The following NDUFS3 variants were observed in gnomAD, a reference collection of about 807,000 sequenced individuals.
NDUFS3 encodes NADH:ubiquinone oxidoreductase core subunit S3, also known as NADH dehydrogenase [ubiquinone] iron-sulfur protein 3, mitochondrial.
Under a neutral mutation model 30.8 loss-of-function variants are expected in NDUFS3, and 19 were observed. The ratio of observed to expected loss-of-function variants is 0.62; its 90% CI spans 0.43 to 0.91. The LOEUF (loss-of-function observed/expected upper bound fraction) is 0.91. NDUFS3 is among the 40% of genes least tolerant of loss of function. The pLI, the probability that NDUFS3 is intolerant of heterozygous loss-of-function variation, is 0.00. For synonymous variants in NDUFS3, 153 were observed against 135.8 expected (o/e 1.13, Z -0.88); for missense variants, 331 against 342.0 (o/e 0.97, Z 0.25).
Position 47,582,113 on chromosome 11 carries a change from G to C in NDUFS3, c.407G>C (p.Arg136Pro), listed in dbSNP as rs1206085116. The C allele has an allele frequency of 6.2e-7, 1 of 1,613,754 alleles. No individual in the cohort carries two copies. The highest frequency in any genetic ancestry group is 1.3e-5 in the African/African-American group (1 of 74,806). ...FEIVYNLLSL[R>P]FNSRIRVKTY... ...ATTGTCTACAACCTGTTGTCTCTGC[G>C]CTTCAACTCACGGATCCGTGTGAAG... The change falls in exon 5 of 7, where the codon CGC becomes CCC. Residue 136 changes from arginine to proline, a missense_variant. Arg to Pro is a moderately radical substitution (Grantham distance 103). Coordinates refer to ENST00000263774, the MANE Select transcript of NDUFS3 (RefSeq NM_004551.3).
intron 4 of NDUFS3, chr11:47,581,744 G>A (rs1010547261): frequency 2.7e-6 from 1 of 372,328 alleles, no homozygotes; most frequent in South Asian, 2.2e-5. Context: ...TAATACAAAG[G>A]ATATTAGAGG....
chr11:47,581,998 A>G, intron 4 of NDUFS3, 90 bp from the exon 5 acceptor site: 1 of 1,535,938 alleles, frequency 6.5e-7, no homozygotes, highest in African/African-American at 1.4e-5. Flanking sequence ...TGAGGTTTTG[A>G]GGTTCAGAAT....
chr11:47,580,517 C>T lies in NDUFS3; in HGVS notation c.134-8C>T. 6.2e-7 allele frequency: 1 copy of T among 1,614,036 alleles called. No individual in the cohort carries two copies. Among genetic ancestry groups the T allele is most frequent in the Non-Finnish European group, 8.5e-7 (1 of 1,179,956 alleles). ...CATTTCTTTTTTAAATATGCCTTTTCCTTCCAGCCACTGTCAGACCACGGA... is the reference window on the plus strand; with the variant it reads ...CATTTCTTTTTTAAATATGCCTTTTTCTTCCAGCCACTGTCAGACCACGGA... On this transcript the variant is annotated splice_polypyrimidine_tract_variant and splice_region_variant and intron_variant, in intron 2 of 6. Coordinates refer to ENST00000263774, the MANE Select transcript of NDUFS3 (RefSeq NM_004551.3).
At chr11:47,583,960 C>T (rs149671752) in intron 6 of NDUFS3, among the ~76,000 whole-genome samples, 15 of 152,204 alleles carry the variant, frequency 9.9e-5, no homozygotes, top group Admixed American at 2.6e-4. Context: ...TTTCAGCCAC[C>T]GACTACTCCC....
Position 47,582,088 on chromosome 11 carries a change from A to G in NDUFS3, c.382A>G (p.Ile128Val). ...DVPTRQNRFE[I>V]VYNLLSLRFN... Reference sequence around the variant, plus strand: ...CTCCAGATCCTTCTGTTCTCCCTAGATTGTCTACAACCTGTTGTCTCTGCG... The same window carrying G: ...CTCCAGATCCTTCTGTTCTCCCTAGGTTGTCTACAACCTGTTGTCTCTGCG... Residue 128 changes from isoleucine to valine, a missense_variant and splice_region_variant, in exon 5 of 7, where the codon ATT becomes GTT. Transcript: ENST00000263774. 6.2e-7 allele frequency: 1 copy of G among 1,613,744 alleles called. No individual in the cohort carries two copies.
At chr11:47,580,051 T>TCACACA (rs1286725555) in intron 2 of NDUFS3, among the ~76,000 whole-genome samples, 1 of 14,224 alleles carries the variant, frequency 7.0e-5, no homozygotes, top group Non-Finnish European at 1.5e-4. Flanking sequence ...GTTTTCTCAT[T>TCACACA]GACACACACA....
chr11:47,582,208 A>G lies in NDUFS3; in HGVS notation c.502A>G (p.Arg168Gly). Residue 168 changes from arginine (R) to glycine (G), a missense_variant, in exon 5 of 7, where the codon AGG (arginine) becomes GGG (glycine). Transcript: ENST00000263774. ...SVFKAANWYE[R>G]EIWDMFGVFF... ...GTTCAAGGCAGCCAACTGGTATGAA[A>G]GGGAGGTGAGTTACCGGATATGGTG... 1 of 1,614,208 alleles carries G rather than the reference A, an allele frequency of 6.2e-7. No individual in the cohort carries two copies. Among genetic ancestry groups the G allele is most frequent in the Non-Finnish European group, 8.5e-7 (1 of 1,180,030 alleles).
At position 47,582,124 on chromosome 11, in the gene NDUFS3, C is replaced by T. The variant is rs142248674; in HGVS notation, c.418C>T (p.Arg140Trp). Residue 140 changes from arginine to tryptophan, a missense_variant, in exon 5 of 7, where the codon CGG (arginine) becomes TGG (tryptophan). Physicochemically the swap from Arg to Trp is moderately radical, Grantham distance 101. Transcript: ENST00000263774. ...YNLLSLRFNS[R>W]IRVKTYTDEL... The stretch of plus-strand genomic sequence containing the variant: ...CCTGTTGTCTCTGCGCTTCAACTCA[C>T]GGATCCGTGTGAAGACCTACACAGA... 1.4e-5 allele frequency: 22 copies of T among 1,613,834 alleles called. No individual in the cohort carries two copies. Among genetic ancestry groups the T allele is most frequent in the Admixed American group, 3.3e-5 (2 of 60,000 alleles).
In NDUFS3 at chr11:47,580,816, C is replaced by T; in HGVS notation, c.232-19C>T. The T allele has an allele frequency of 6.2e-7, 1 of 1,614,176 alleles. No homozygotes were observed. The highest frequency in any genetic ancestry group is 8.5e-7 in the Non-Finnish European group (1 of 1,180,038). Reference sequence around the variant, plus strand: ...TCAGTAGCTCTTTGTTCCCTCTCCCCTCACTTTCATGTGTGCAGGTGTCCT... The same window carrying T: ...TCAGTAGCTCTTTGTTCCCTCTCCCTTCACTTTCATGTGTGCAGGTGTCCT... On this transcript the variant is annotated intron_variant, in intron 3 of 6. Transcript: ENST00000263774.
At position 47,580,830 on chromosome 11, in the gene NDUFS3, T is replaced by C. The variant is rs2097268376; in HGVS notation, c.232-5T>C. The C allele has an allele frequency of 4.3e-6, 7 of 1,614,218 alleles. No individual in the cohort carries two copies. Among genetic ancestry groups the C allele is most frequent in the Non-Finnish European group, 5.9e-6 (7 of 1,180,034 alleles). ...TTCCCTCTCCCCTCACTTTCATGTG[T>C]GCAGGTGTCCTGCTTCAATGAGTTA... On this transcript the variant is annotated splice_polypyrimidine_tract_variant and splice_region_variant and intron_variant, in intron 3 of 6. Coordinates refer to ENST00000263774, the MANE Select transcript of NDUFS3 (RefSeq NM_004551.3).
Position 47,584,558 on chromosome 11 carries a change from A to C in NDUFS3, c.*77A>C. On this transcript the variant is annotated 3_prime_UTR_variant, in exon 7 of 7. Transcript: ENST00000263774. ...TCCGTGTAAATAAATTCCTACTTAG[A>C]CTTACCACTTTGTGTGTGCTTGTAA... 1 of 1,561,734 alleles carries C rather than the reference A, an allele frequency of 6.4e-7. No individual in the cohort carries two copies. The highest frequency in any genetic ancestry group is 8.8e-7 in the Non-Finnish European group (1 of 1,139,604).
chr11:47,582,382 C>T lies in NDUFS3; in HGVS notation c.541C>T (p.His181Tyr). ...CATGTTTGGAGTCTTCTTTGCTAAC[C>T]ACCCTGATCTAAGAAGGATCCTGAC... ...WDMFGVFFAN[H>Y]PDLRRILTDY... is the part of the protein sequence containing the mutation. The change falls in exon 6 of 7, where the codon CAC becomes TAC. Residue 181 changes from histidine (H) to tyrosine (Y), a missense_variant. Coordinates refer to ENST00000263774, the MANE Select transcript of NDUFS3 (RefSeq NM_004551.3). 2 of 1,614,172 alleles carry T rather than the reference C, an allele frequency of 1.2e-6. No individual in the cohort carries two copies. Among genetic ancestry groups the T allele is most frequent in the Non-Finnish European group, 1.7e-6 (2 of 1,180,038 alleles).
chr11:47,579,174 C>T lies in NDUFS3; in HGVS notation c.67+16C>T. The T allele has an allele frequency of 6.2e-7, 1 of 1,612,514 alleles. No homozygotes were observed. The highest frequency in any genetic ancestry group is 1.1e-5 in the South Asian group (1 of 90,946). On this transcript the variant is annotated intron_variant, in intron 1 of 6. Coordinates refer to ENST00000263774, the MANE Select transcript of NDUFS3 (RefSeq NM_004551.3). ...CTGACCAGGGGTGAGCACGGGCAGC[C>T]AGCTGAGACCGGGGTCAGGCGCAGC...
chr11:47,579,401 C>G (rs1270830966), intron 2 of NDUFS3, 67 bp downstream of exon 2: 2 of 1,585,076 alleles, frequency 1.3e-6, no homozygotes, highest in Non-Finnish European at 1.7e-6. Flanking sequence ...CTGTCCTTGC[C>G]CTAGGATGCC....
intron 6 of NDUFS3, among the ~76,000 whole-genome samples, chr11:47,583,277 C>T (rs921181910): frequency 3.9e-5 from 6 of 152,110 alleles, no homozygotes; most frequent in African/African-American, 1.4e-4. Context: ...TCTCGAATTC[C>T]TGGGCTCAAG....
intron 2 of NDUFS3, 110 bp from the exon 3 acceptor site, chr11:47,580,415 C>T: frequency 2.0e-6 from 2 of 1,013,598 alleles, no homozygotes; most frequent in Admixed American, 1.9e-5. Context: ...TCTCAAGGTG[C>T]TTCAGGGAGC....
chr11:47,579,438 T>TG (rs774993082), intron 2 of NDUFS3, 104 bp downstream of exon 2: 5 of 1,448,800 alleles, frequency 3.5e-6, no homozygotes, highest in Non-Finnish European at 4.8e-6. Context: ...TGGCAAATCT[T>TG]GGAGATCTGA....
rs2097268442 is a variant in NDUFS3 at position 47,580,876 on chromosome 11, T to C, written c.273T>C (p.Asp91=). The C allele has an allele frequency of 6.2e-7, 1 of 1,614,242 alleles. No individual in the cohort carries two copies. The highest frequency in any genetic ancestry group is 1.1e-5 in the South Asian group (1 of 91,088). The change falls in exon 4 of 7, where the codon GAT becomes GAC. Residue 91 remains aspartate (D), a synonymous_variant. Coordinates refer to ENST00000263774, the MANE Select transcript of NDUFS3 (RefSeq NM_004551.3). ...AGTTAGAGGTCTGTATCCATCCTGA[T>C]GGCGTCATCCCAGTGCTGACTTTCC... The part of the protein sequence containing the change: ...FNELEVCIHP[D]GVIPVLTFLR...
At chr11:47,579,396 C>A in intron 2 of NDUFS3, 62 bp downstream of exon 2, 1 of 1,599,632 alleles carries the variant, frequency 6.3e-7, no homozygotes, top group East Asian at 2.2e-5. Context: ...GATGCCTGTC[C>A]TTGCCCTAGG....
Sources: gnomAD v4.1 joint callset for allele counts (sites outside exome capture counted in the v4.1 genomes callset) on GRCh38, gnomAD v4.1.1 for gene constraint, MANE v1.5 for transcripts, NCBI Gene and HGNC (gene_info 2026-07-23, HGNC 2026-07-21) for gene names.